Variants in GNA14 observed in about 807,000 individuals in gnomAD.
GNA14 encodes the protein G protein subunit alpha 14, also known as guanine nucleotide-binding protein subunit alpha-14.
GNA14 carries 50 observed loss-of-function variants against 42.0 expected under a neutral mutation model. The ratio of observed to expected loss-of-function variants is 1.19; its 90% CI spans 0.95 to 1.51. The LOEUF is 1.51. Ranked by LOEUF, GNA14 falls within the 40% of genes most tolerant of loss-of-function variation. GNA14 has a pLI of 0.00. For synonymous variants in GNA14, 173 were observed against 163.1 expected (o/e 1.06, Z -0.46); for missense variants, 473 against 446.2 (o/e 1.06, Z -0.54).
At chr9:77,518,494 A>T (rs939728117) in intron 2 of GNA14, among the ~76,000 whole-genome samples, 104 of 151,964 alleles carry the variant, frequency 6.8e-4, no homozygotes, top group Non-Finnish European at 1.1e-3. Context: ...CCTTGGGGAG[A>T]ACTAGGGGCT....
At chr9:77,623,216 C>CAAAAAAAAAAAAAA (rs34368561) in intron 1 of GNA14, among the ~76,000 whole-genome samples, 8 of 26,852 alleles carry the variant, frequency 3.0e-4, no homozygotes, top group Non-Finnish European at 5.1e-4. Flanking sequence ...GACGCTGTCT[C>CAAAAAAAAAAAAAA]AAAAAAAAAA....
At chr9:77,583,928 C>T (rs191548028) in intron 1 of GNA14, among the ~76,000 whole-genome samples, 22 of 152,244 alleles carry the variant, frequency 1.4e-4, no homozygotes, top group African/African-American at 3.6e-4. Context: ...GGGACAAACA[C>T]GATGCTCCAT....
At chr9:77,597,561 C>T (rs967448607) in intron 1 of GNA14, among the ~76,000 whole-genome samples, 1 of 151,780 alleles carries the variant, frequency 6.6e-6, no homozygotes, top group Admixed American at 6.6e-5. Flanking sequence ...TTTAAAATAT[C>T]GGTCTTGCCT....
intron 1 of GNA14, among the ~76,000 whole-genome samples, chr9:77,644,174 A>G (rs1051657436): frequency 1.3e-5 from 2 of 152,112 alleles, no homozygotes; most frequent in African/African-American, 4.8e-5. Context: ...CCTTATAAGA[A>G]GAGGAAGTGG....
intron 1 of GNA14, among the ~76,000 whole-genome samples, chr9:77,603,567 G>T (rs187943066): frequency 3.3e-5 from 5 of 152,268 alleles, no homozygotes; most frequent in Admixed American, 6.5e-5. Context: ...TGAAAATCAA[G>T]TGAGTTTAGG....
At chr9:77,440,469 T>A (rs1835713907) in intron 2 of GNA14, among the ~76,000 whole-genome samples, 1 of 152,250 alleles carries the variant, frequency 6.6e-6, no homozygotes. Context: ...ACTTTCCCAA[T>A]TAAGCTAGAG....
intron 2 of GNA14, among the ~76,000 whole-genome samples, chr9:77,486,442 C>T (rs1836661365): frequency 6.6e-6 from 1 of 152,248 alleles, no homozygotes; most frequent in Non-Finnish European, 1.5e-5. Flanking sequence ...GTCTATTTCA[C>T]TTTCTTATCA....
intron 1 of GNA14, among the ~76,000 whole-genome samples, chr9:77,647,351 CGGA>C (rs1389849053): frequency 6.6e-6 from 1 of 152,096 alleles, no homozygotes; most frequent in African/African-American, 2.4e-5. Context: ...GTGCTGCGGG[CGGA>C]GGAGTGGACG....
At chr9:77,487,975 T>C (rs974414432) in intron 2 of GNA14, among the ~76,000 whole-genome samples, 1 of 151,846 alleles carries the variant, frequency 6.6e-6, no homozygotes, top group Non-Finnish European at 1.5e-5. Context: ...CCAGTTGACA[T>C]CACATTTGAT....
chr9:77,566,550 G>A (rs1030652991), intron 1 of GNA14, among the ~76,000 whole-genome samples: 1 of 152,146 alleles, frequency 6.6e-6, no homozygotes, highest in Admixed American at 6.5e-5. Flanking sequence ...GAGTGGATAT[G>A]CCAGTGTTGT....
intron 4 of GNA14, among the ~76,000 whole-genome samples, chr9:77,430,003 A>G (rs1168234473): frequency 6.6e-6 from 1 of 152,104 alleles, no homozygotes; most frequent in East Asian, 1.9e-4. Flanking sequence ...AACCACCCAG[A>G]ACTGTTGTCT....
At chr9:77,441,700 A>G (rs947314796) in intron 2 of GNA14, among the ~76,000 whole-genome samples, 4 of 152,118 alleles carry the variant, frequency 2.6e-5, no homozygotes, top group African/African-American at 9.7e-5. Context: ...AAAATCAGTG[A>G]GATTAAGATA....
At chr9:77,630,401 A>AG (rs1824079285) in intron 1 of GNA14, among the ~76,000 whole-genome samples, 1 of 152,150 alleles carries the variant, frequency 6.6e-6, no homozygotes, top group Admixed American at 6.6e-5. Flanking sequence ...TACAGACATG[A>AG]GCCACCATGC....
chr9:77,636,503 A>C (rs897837116), intron 1 of GNA14, among the ~76,000 whole-genome samples: 1 of 152,200 alleles, frequency 6.6e-6, no homozygotes, highest in Admixed American at 6.5e-5. Flanking sequence ...ATTTATAAAG[A>C]AAAGAGGTTT....
chr9:77,503,474 G>A (rs1161389916), intron 2 of GNA14, among the ~76,000 whole-genome samples: 3 of 152,106 alleles, frequency 2.0e-5, no homozygotes, highest in Non-Finnish European at 1.5e-5. Flanking sequence ...GGAGGAACTT[G>A]CTAAATGAAA....
chr9:77,451,474 T>C (rs1835900982), intron 2 of GNA14, among the ~76,000 whole-genome samples: 1 of 152,036 alleles, frequency 6.6e-6, no homozygotes, highest in Non-Finnish European at 1.5e-5. Context: ...GATAAAGAGG[T>C]CTGTTCCTGG....
intron 2 of GNA14, among the ~76,000 whole-genome samples, chr9:77,478,729 G>C (rs1473743739): frequency 3.9e-5 from 6 of 152,120 alleles, no homozygotes; most frequent in Admixed American, 3.9e-4. Flanking sequence ...TCTAACTGGT[G>C]TGAGATGGTA....
chr9:77,529,014 C>G (rs964024486), intron 2 of GNA14, 55 bp downstream of exon 2: 9 of 1,441,002 alleles, frequency 6.2e-6, no homozygotes, highest in Non-Finnish European at 8.8e-6. Context: ...TTGTGCTAAC[C>G]AGAGTGGGCA....
In GNA14 at chr9:77,514,123, C is replaced by A. The variant is rs562575691; in HGVS notation, c.309+14946G>T. On this transcript the variant is annotated intron_variant, in intron 2 of 6. Transcript: ENST00000341700. ...CAAGCTTCCCAAACTAAGTTTAGGG[C>A]CCCATGCCAGGCTTTTTGGTTATCT... Among the ~76,000 whole-genome samples, 5 of 152,308 alleles carry A rather than the reference C, an allele frequency of 3.3e-5. No homozygotes were observed. In the South Asian group the frequency reaches 1.0e-3, roughly 32 times the overall value.
Sources: allele counts gnomAD v4.1 joint callset (sites outside exome capture counted in the v4.1 genomes callset), GRCh38; gene constraint gnomAD v4.1.1; transcripts MANE v1.5; gene names NCBI Gene and HGNC (gene_info 2026-07-23, HGNC 2026-07-21).